The following GIPC2 variants were observed in gnomAD, a reference collection of about 807,000 sequenced individuals.
GIPC2 encodes PDZ domain-containing protein GIPC2.
GIPC2 carries 30 observed loss-of-function variants against 30.6 expected under a neutral mutation model. The observed-to-expected ratio is 0.98, with a 90% CI of 0.73 to 1.33. The LOEUF (loss-of-function observed/expected upper bound fraction) is 1.33. Among genes scored for constraint, GIPC2 ranks in the 40% most tolerant of loss-of-function variants. GIPC2 has a pLI of 0.00. For synonymous variants in GIPC2, 167 were observed against 150.0 expected (o/e 1.11, Z -0.83); for missense variants, 414 against 390.3 (o/e 1.06, Z -0.51).
intron 3 of GIPC2, among the ~76,000 whole-genome samples, chr1:78,099,864 C>T (rs1662208264): frequency 6.6e-6 from 1 of 152,116 alleles, no homozygotes; most frequent in Admixed American, 6.5e-5. Flanking sequence ...TACAGAGGTA[C>T]AGAATAGCAT....
chr1:78,086,099 G>T (rs1661924101), intron 2 of GIPC2, among the ~76,000 whole-genome samples: 2 of 151,978 alleles, frequency 1.3e-5, no homozygotes, highest in Admixed American at 1.3e-4. Context: ...CCTTATCAGT[G>T]TCCCAGAGAT....
chr1:78,117,757 C>T (rs1662595482), intron 3 of GIPC2, among the ~76,000 whole-genome samples: 2 of 152,084 alleles, frequency 1.3e-5, no homozygotes, highest in South Asian at 4.1e-4. Context: ...AGGAAGCGCA[C>T]GGTATTTGCA....
upstream of GIPC2, chr1:78,044,972 C>T: frequency 3.0e-6 from 1 of 335,672 alleles, no homozygotes; most frequent in Non-Finnish European, 4.2e-6. Context: ...GAAAAACTGT[C>T]GGTGAATGCA....
intron 3 of GIPC2, among the ~76,000 whole-genome samples, chr1:78,107,109 TC>T (rs768216703): frequency 3.4e-5 from 5 of 149,228 alleles, no homozygotes; most frequent in African/African-American, 7.4e-5. Context: ...TCCCTTTCTT[TC>T]CCTACCTTTT....
intron 1 of GIPC2, chr1:78,068,946 A>C (rs1414886064): frequency 6.9e-6 from 2 of 290,924 alleles, no homozygotes; most frequent in Non-Finnish European, 1.0e-5. Flanking sequence ...GTAGCCTGTC[A>C]GCTTCTTCAG....
intron 1 of GIPC2, among the ~76,000 whole-genome samples, chr1:78,072,551 A>AT (rs954691489): frequency 1.2e-4 from 18 of 150,832 alleles, no homozygotes; most frequent in African/African-American, 2.2e-4. Flanking sequence ...GTACATGACT[A>AT]TTTTTTTTTC....
At chr1:78,068,905 C>A in intron 1 of GIPC2, 1 of 170,690 alleles carries the variant, frequency 5.9e-6, no homozygotes, top group Non-Finnish European at 1.2e-5. Flanking sequence ...CTTGGTGACA[C>A]ATTCCTGGGA....
At chr1:78,058,011 G>A (rs374804213) in intron 1 of GIPC2, among the ~76,000 whole-genome samples, 1 of 152,266 alleles carries the variant, frequency 6.6e-6, no homozygotes. Flanking sequence ...TAAGCAAGAG[G>A]AAAACATAAG....
intron 5 of GIPC2, among the ~76,000 whole-genome samples, chr1:78,135,339 G>A (rs1035850360): frequency 6.6e-6 from 1 of 152,204 alleles, no homozygotes; most frequent in African/African-American, 2.4e-5. Flanking sequence ...TGGGCTCCAA[G>A]GTTGGGTAGG....
chr1:78,135,667 G>A lies in GIPC2; in HGVS notation c.872G>A (p.Gly291Glu). Residue 291 changes from glycine to glutamate, a missense_variant, in exon 6 of 6, where the codon GGA becomes GAA. Physicochemically the swap from Gly to Glu is moderately conservative, Grantham distance 98. Coordinates refer to ENST00000370759, the MANE Select transcript of GIPC2 (RefSeq NM_017655.6). ...GCTGTGGCACTTGACGAAACTCTTGGAGACTTTGCGTTCCCAGACGAATTT... is the reference window on the plus strand; with the variant it reads ...GCTGTGGCACTTGACGAAACTCTTGAAGACTTTGCGTTCCCAGACGAATTT... ...EFAVALDETLGDFAFPDEFVF... is the reference protein window; with the variant it reads ...EFAVALDETLEDFAFPDEFVF... The A allele has an allele frequency of 6.2e-7, 1 of 1,612,648 alleles. No individual in the cohort carries two copies. Among genetic ancestry groups the A allele is most frequent in the Non-Finnish European group, 8.5e-7 (1 of 1,178,976 alleles).
At chr1:78,088,297 G>A (rs1239783432) in intron 2 of GIPC2, among the ~76,000 whole-genome samples, 2 of 152,174 alleles carry the variant, frequency 1.3e-5, no homozygotes, top group Non-Finnish European at 2.9e-5. Flanking sequence ...ACACATGCAT[G>A]TATATGTTTA....
At chr1:78,083,851 G>A (rs1182703667) in intron 2 of GIPC2, among the ~76,000 whole-genome samples, 1 of 152,076 alleles carries the variant, frequency 6.6e-6, no homozygotes, top group Non-Finnish European at 1.5e-5. Context: ...TTATTGAGTA[G>A]GTTCTTACTT....
At chr1:78,047,962 T>A (rs1298923213) in intron 1 of GIPC2, among the ~76,000 whole-genome samples, 1 of 152,230 alleles carries the variant, frequency 6.6e-6, no homozygotes, top group Non-Finnish European at 1.5e-5. Flanking sequence ...CAACTTTAAA[T>A]GTCTTTGCTG....
intron 1 of GIPC2, among the ~76,000 whole-genome samples, chr1:78,077,201 A>G (rs1211687370): frequency 2.6e-5 from 4 of 152,216 alleles, no homozygotes; most frequent in African/African-American, 9.7e-5. Flanking sequence ...GGGTAAATAC[A>G]TGCTGGATCT....
intron 3 of GIPC2, among the ~76,000 whole-genome samples, chr1:78,105,826 AC>A (rs2100400497): frequency 6.6e-6 from 1 of 152,374 alleles, no homozygotes; most frequent in East Asian, 1.9e-4. Flanking sequence ...TATTTTTACA[AC>A]GGGAATTGTC....
intron 3 of GIPC2, among the ~76,000 whole-genome samples, chr1:78,106,065 C>A (rs937384271): frequency 6.6e-6 from 1 of 150,976 alleles, no homozygotes; most frequent in African/African-American, 2.4e-5. Context: ...GAAATCCCCT[C>A]TCTACTAAAA....
Position 78,119,392 on chromosome 1 carries a change from G to C in GIPC2, c.608-1G>C. 6.4e-7 allele frequency: 1 copy of C among 1,561,972 alleles called. No homozygotes were observed. The highest frequency in any genetic ancestry group is 2.3e-5 in the East Asian group (1 of 44,420). On this transcript the variant is annotated splice_acceptor_variant, in intron 3 of 5. Coordinates refer to ENST00000370759, the MANE Select transcript of GIPC2 (RefSeq NM_017655.6). LOFTEE classifies it high-confidence loss of function. ...ATGTTTCCCTGTTCATTGTATTGTA[G>C]AAATAGAGCTGAGGTCAAAGGCTGG...
intron 1 of GIPC2, among the ~76,000 whole-genome samples, chr1:78,071,248 G>C (rs963141109): frequency 1.3e-5 from 2 of 152,068 alleles, no homozygotes; most frequent in African/African-American, 2.4e-5. Context: ...AATGTAACTA[G>C]TCATTTTTAA....
At position 78,137,405 on chromosome 1, in the gene GIPC2, CAA is replaced by C. The variant is rs1663026012; in HGVS notation, c.*1665_*1666del. 1 of 152,080 alleles carries C rather than the reference CAA, an allele frequency of 6.6e-6. No homozygotes were observed. The highest frequency in any genetic ancestry group is 2.4e-5 in the African/African-American group (1 of 41,418). The allele number at this position is 152,080 out of a possible 1,614,324, so 9.4% of individuals were successfully genotyped here. On this transcript the variant is annotated 3_prime_UTR_variant, in exon 6 of 6. Transcript: ENST00000370759. ...AACATTCTCGTTTAAACAACAACAACAAAATAAATTTATCAGCACTAGATATT... is the reference window on the plus strand; with the variant it reads ...AACATTCTCGTTTAAACAACAACAACAATAAATTTATCAGCACTAGATATT...
Sources: gnomAD v4.1 joint callset for allele counts (sites outside exome capture counted in the v4.1 genomes callset) on GRCh38, gnomAD v4.1.1 for gene constraint, MANE v1.5 for transcripts, NCBI Gene and HGNC (gene_info 2026-07-23, HGNC 2026-07-21) for gene names.